RSBN1L: variants seen among roughly 807,000 people sequenced by gnomAD.
RSBN1L encodes lysine-specific demethylase RSBN1L.
Under a neutral mutation model 67.7 loss-of-function variants are expected in RSBN1L, and 30 were observed. The ratio of observed to expected loss-of-function variants is 0.44; its 90% confidence interval spans 0.33 to 0.60. The LOEUF is 0.60. Among genes scored for constraint, RSBN1L ranks in the 20% least tolerant of loss-of-function variants. The probability of loss-of-function intolerance (pLI) is 0.02; values close to 1 mark genes in which losing one functional copy is unlikely to be tolerated. For synonymous variants in RSBN1L, 433 were observed against 387.0 expected (o/e 1.12, Z -1.39); for missense variants, 992 against 1,031.7 (o/e 0.96, Z 0.53).
intron 5 of RSBN1L, among the ~76,000 whole-genome samples, chr7:77,772,866 C>G (rs889902741): frequency 6.6e-6 from 1 of 152,098 alleles, no homozygotes; most frequent in Non-Finnish European, 1.5e-5. Context: ...GTACCCAAAC[C>G]CCAGGTAAAG....
chr7:77,743,115 T>A (rs1359545022), intron 2 of RSBN1L, among the ~76,000 whole-genome samples: 1 of 152,100 alleles, frequency 6.6e-6, no homozygotes, highest in African/African-American at 2.4e-5. Context: ...TACAGTGGTG[T>A]GATCACAGGC....
intron 1 of RSBN1L, among the ~76,000 whole-genome samples, chr7:77,709,585 C>T (rs1206360389): frequency 6.6e-6 from 1 of 152,132 alleles, no homozygotes; most frequent in East Asian, 1.9e-4. Flanking sequence ...CCACCGTTCC[C>T]CACCAATAGT....
At chr7:77,715,185 T>C (rs984022274) in intron 1 of RSBN1L, among the ~76,000 whole-genome samples, 1 of 152,060 alleles carries the variant, frequency 6.6e-6, no homozygotes, top group Non-Finnish European at 1.5e-5. Flanking sequence ...GACATGAGAA[T>C]TGCTTGAACC....
chr7:77,763,634 C>T (rs1228974357), intron 3 of RSBN1L, among the ~76,000 whole-genome samples: 2 of 152,106 alleles, frequency 1.3e-5, no homozygotes, highest in South Asian at 2.1e-4. Flanking sequence ...AATTTTTAGG[C>T]GACAGGAAAA....
rs1268626158 is a variant in RSBN1L at position 77,699,675 on chromosome 7, C to G, written c.586+2620C>G. On this transcript the variant is annotated intron_variant, in intron 1 of 7. Coordinates refer to ENST00000334955, the MANE Select transcript of RSBN1L (RefSeq NM_198467.3). ...ATATGGCCCCATTTAGTACCAGGGCCTGATGCCTCACAATCTCTAAGGCCA... is the reference window on the plus strand; with the variant it reads ...ATATGGCCCCATTTAGTACCAGGGCGTGATGCCTCACAATCTCTAAGGCCA... Among the ~76,000 whole-genome samples, 5 of 152,142 alleles carry G rather than the reference C, an allele frequency of 3.3e-5. No homozygotes were observed. The East Asian group carries it at 9.6e-4, about 29-fold the overall frequency.
intron 1 of RSBN1L, among the ~76,000 whole-genome samples, chr7:77,706,409 C>T (rs962596295): frequency 2.0e-5 from 3 of 152,038 alleles, no homozygotes; most frequent in Non-Finnish European, 4.4e-5. Flanking sequence ...AGGGTTTTAC[C>T]ATGTTGGCCA....
rs536428188 is a variant in RSBN1L at position 77,736,165 on chromosome 7, C to T, written c.587-245C>T. ...AATAAATTTAATATTTTGGTTGACA[C>T]GAAGTGAAGAATACTTAGAATAAAA... is the stretch of plus-strand genomic sequence containing the variant. On this transcript the variant is annotated intron_variant, in intron 1 of 7. Transcript: ENST00000334955. Among the ~76,000 whole-genome samples the T allele has an allele frequency of 4.0e-5, 6 of 151,894 alleles. 1 individual carries two copies. Among genetic ancestry groups the T allele is most frequent in the East Asian group, 3.9e-4 (2 of 5,184 alleles).
rs769495415 is a variant in RSBN1L, at chr7:77,749,698, C to T, written c.978C>T (p.Val326=). 2.5e-5 allele frequency: 40 copies of T among 1,614,102 alleles called. No individual in the cohort carries two copies. The South Asian group carries it at 4.3e-4, about 17-fold the overall frequency. Residue 326 remains valine (V), a synonymous_variant, in exon 3 of 8, where the codon GTC becomes GTT. Coordinates refer to ENST00000334955, the MANE Select transcript of RSBN1L (RefSeq NM_198467.3). ...CAGAGAACAGTGAGTTTCCATTTGT[C>T]TCATTAAAGGAGCCACGAGTTCAGA... is the stretch of plus-strand genomic sequence containing the variant. ...KIPENSEFPF[V]SLKEPRVQNN... is the part of the protein sequence containing the mutation.
At chr7:77,744,123 C>T (rs1384484464) in intron 2 of RSBN1L, among the ~76,000 whole-genome samples, 1 of 152,104 alleles carries the variant, frequency 6.6e-6, no homozygotes, top group Non-Finnish European at 1.5e-5. Context: ...CCTCAACCTA[C>T]TGTGCTCAAG....
At chr7:77,766,795 C>A (rs1791771354) in intron 4 of RSBN1L, among the ~76,000 whole-genome samples, 1 of 151,988 alleles carries the variant, frequency 6.6e-6, no homozygotes, top group Admixed American at 6.6e-5. Flanking sequence ...GTACATATAT[C>A]TTTTTCTTCC....
chr7:77,764,549 A>G (rs2150431066), intron 3 of RSBN1L, among the ~76,000 whole-genome samples: 1 of 152,310 alleles, frequency 6.6e-6, no homozygotes, highest in South Asian at 2.1e-4. Flanking sequence ...AGGAACGCAA[A>G]TGATTTCTGA....
intron 1 of RSBN1L, among the ~76,000 whole-genome samples, chr7:77,697,937 G>T (rs545416960): frequency 6.6e-6 from 1 of 152,200 alleles, no homozygotes; most frequent in Admixed American, 6.5e-5. Context: ...GCAACATACG[G>T]ACTAGTTGAA....
At chr7:77,738,854 G>A (rs552426095) in intron 2 of RSBN1L, among the ~76,000 whole-genome samples, 7 of 152,122 alleles carry the variant, frequency 4.6e-5, no homozygotes, top group Middle Eastern at 6.8e-3. Context: ...CATGTGAATC[G>A]CTTGAACCCA....
At chr7:77,767,753 T>G in intron 4 of RSBN1L, among the ~76,000 whole-genome samples, 1 of 44,640 alleles carries the variant, frequency 2.2e-5, no homozygotes, top group Non-Finnish European at 4.0e-5. Context: ...CTCCCCCCTT[T>G]TTCCCTCCCC....
At chr7:77,704,637 T>C (rs1790863826) in intron 1 of RSBN1L, among the ~76,000 whole-genome samples, 1 of 152,134 alleles carries the variant, frequency 6.6e-6, no homozygotes. Context: ...TAAGAAACAA[T>C]TAGAGCTGAT....
intron 1 of RSBN1L, among the ~76,000 whole-genome samples, chr7:77,721,074 T>TA (rs1791113605): frequency 6.6e-6 from 1 of 152,204 alleles, no homozygotes; most frequent in African/African-American, 2.4e-5. Flanking sequence ...ATTTAACACT[T>TA]ATTTATGGCC....
At chr7:77,754,898 GT>G (rs1395921550) in intron 3 of RSBN1L, among the ~76,000 whole-genome samples, 2 of 151,986 alleles carry the variant, frequency 1.3e-5, no homozygotes, top group Non-Finnish European at 2.9e-5. Context: ...AAAAACAAAA[GT>G]TTAGTAATTA....
rs1336610255 is a variant in RSBN1L, at chr7:77,749,692, A to G, written c.972A>G (p.Pro324=). 5 of 1,614,184 alleles carry G rather than the reference A, an allele frequency of 3.1e-6. No homozygotes were observed. The highest frequency in any genetic ancestry group is 2.2e-5 in the South Asian group (2 of 91,090). ...AAATTCCAGAGAACAGTGAGTTTCC[A>G]TTTGTCTCATTAAAGGAGCCACGAG... is the stretch of plus-strand genomic sequence containing the variant. ...DSKIPENSEF[P]FVSLKEPRVQ... The change falls in exon 3 of 8, where the codon CCA becomes CCG. Residue 324 remains proline, a synonymous_variant. Transcript: ENST00000334955.
chr7:77,725,498 C>T (rs1311339802), intron 1 of RSBN1L, among the ~76,000 whole-genome samples: 1 of 149,988 alleles, frequency 6.7e-6, no homozygotes, highest in Non-Finnish European at 1.5e-5. Flanking sequence ...CCACCTGCCT[C>T]GGCCTCCCAT....
Sources: gnomAD v4.1 joint callset for allele counts (sites outside exome capture counted in the v4.1 genomes callset) on GRCh38, gnomAD v4.1.1 for gene constraint, MANE v1.5 for transcripts, NCBI Gene and HGNC (gene_info 2026-07-23, HGNC 2026-07-21) for gene names.